STRIP2: variants seen among roughly 807,000 people sequenced by gnomAD.
The protein encoded by STRIP2 is striatin interacting protein 2.
A neutral mutation model predicts 107.1 loss-of-function variants in STRIP2; 84 were observed. The observed-to-expected ratio is 0.78, with a 90% confidence interval of 0.66 to 0.94. The LOEUF (loss-of-function observed/expected upper bound fraction) is 0.94. STRIP2 is among the 40% of genes least tolerant of loss of function. STRIP2 has a pLI of 0.00. For synonymous variants in STRIP2, 394 were observed against 400.4 expected (o/e 0.98, Z 0.19); for missense variants, 888 against 1,034.2 (o/e 0.86, Z 1.94).
chr7:129,459,824 TTCTC>T (rs1342428478), intron 12 of STRIP2, among the ~76,000 whole-genome samples: 1 of 152,166 alleles, frequency 6.6e-6, no homozygotes, highest in African/African-American at 2.4e-5. Context: ...CTTCCCATTC[TTCTC>T]TCTCTCTTCC....
chr7:129,451,435 G>A (rs1344608070), intron 3 of STRIP2, among the ~76,000 whole-genome samples, 178 bp from the exon 4 acceptor site: 1 of 152,190 alleles, frequency 6.6e-6, no homozygotes, highest in East Asian at 1.9e-4. Flanking sequence ...CTGGGTTCAG[G>A]CCAGAACATT....
Position 129,485,545 on chromosome 7 carries a change from TG to T in STRIP2, c.2255-33del, listed in dbSNP as rs1562922215. 1.9e-6 allele frequency: 3 copies of T among 1,612,400 alleles called. No homozygotes were observed. The East Asian group carries it at 6.7e-5, about 36-fold the overall frequency. Reference sequence around the variant, plus strand: ...TGATAAGAGGAGCAGTGTCTTGCATTGTATGTCTTCTTCTTCCTCTCTTTCC... The same window carrying T: ...TGATAAGAGGAGCAGTGTCTTGCATTTATGTCTTCTTCTTCCTCTCTTTCC... On this transcript the variant is annotated intron_variant, in intron 20 of 20. Coordinates refer to ENST00000249344, the MANE Select transcript of STRIP2 (RefSeq NM_020704.3).
At chr7:129,443,041 C>CT (rs35651639) in intron 2 of STRIP2, among the ~76,000 whole-genome samples, 32,738 of 141,482 alleles carry the variant, frequency 0.23, 4,163 homozygotes, top group Non-Finnish European at 0.3. Context: ...TTCTTTCTTT[C>CT]TTTTTTTTTT....
intron 4 of STRIP2, among the ~76,000 whole-genome samples, chr7:129,452,812 G>T (rs1044833724): frequency 1.4e-4 from 22 of 152,208 alleles, no homozygotes; most frequent in African/African-American, 5.3e-4. Flanking sequence ...TAGCCTGACT[G>T]TCTCACCCCT....
rs571586032 is a variant in STRIP2 at position 129,460,834 on chromosome 7, G to A, written c.1476+462G>A. 5.3e-5 allele frequency among the ~76,000 whole-genome samples: 8 copies of A among 152,364 alleles called. No individual in the cohort carries two copies. In the East Asian group the frequency reaches 7.7e-4, roughly 15 times the overall value. ...GCTGTTGTGGCTAGAGCACAGGGCC[G>A]AGGGCTGGGATCCTAGAGATGGAGT... On this transcript the variant is annotated intron_variant, in intron 13 of 20. Coordinates refer to ENST00000249344, the MANE Select transcript of STRIP2 (RefSeq NM_020704.3).
rs1189310692 is a variant in STRIP2, at chr7:129,434,447, C to A, written c.-26C>A. ...TCGCCTCCGGCAAAGCGAGCTGAAC[C>A]CTGAGGGGAGCCGCTGACCAGCAGC... On this transcript the variant is annotated 5_prime_UTR_variant, in exon 1 of 21. Coordinates refer to ENST00000249344, the MANE Select transcript of STRIP2 (RefSeq NM_020704.3). The A allele has an allele frequency of 6.7e-7, 1 of 1,490,752 alleles. No homozygotes were observed. The highest frequency in any genetic ancestry group is 8.9e-7 in the Non-Finnish European group (1 of 1,126,882). 92.3% of individuals were successfully genotyped at this position (1,490,752 alleles called of 1,614,324 possible). A position where few individuals can be genotyped will look rare whatever the true frequency, so the allele number is the denominator to read the frequency against.
intron 1 of STRIP2, among the ~76,000 whole-genome samples, chr7:129,437,108 TA>T (rs541105226): frequency 5.9e-5 from 9 of 152,320 alleles, no homozygotes; most frequent in Admixed American, 2.6e-4. Context: ...CAAACTGCTA[TA>T]GGGGGCAACC....
chr7:129,468,345 A>G (rs917739549), intron 17 of STRIP2, among the ~76,000 whole-genome samples: 1 of 152,150 alleles, frequency 6.6e-6, no homozygotes, highest in East Asian at 1.9e-4. Context: ...AGCTTAAAAC[A>G]CACACACACC....
chr7:129,447,567 C>T (rs949966102), intron 3 of STRIP2, among the ~76,000 whole-genome samples: 5 of 152,162 alleles, frequency 3.3e-5, no homozygotes, highest in Admixed American at 6.5e-5. Context: ...AAGCAAAAAG[C>T]GATCAAGGTC....
intron 3 of STRIP2, among the ~76,000 whole-genome samples, chr7:129,447,343 T>C (rs1562897077): frequency 6.6e-6 from 1 of 152,182 alleles, no homozygotes; most frequent in Non-Finnish European, 1.5e-5. Context: ...CAACTTATCC[T>C]TCACCTAAGA....
chr7:129,455,543 T>C (rs777755500), intron 8 of STRIP2, among the ~76,000 whole-genome samples, 172 bp downstream of exon 8: 9 of 152,216 alleles, frequency 5.9e-5, no homozygotes, highest in Non-Finnish European at 1.3e-4. Context: ...AGATGTTCTA[T>C]GTTAGAATGG....
At position 129,483,176 on chromosome 7, in the gene STRIP2, TCAGGCGCTGATACACCA is replaced by T; in HGVS notation, c.2254+131_2254+147del. On this transcript the variant is annotated intron_variant, in intron 20 of 20. Transcript: ENST00000249344. This position sits in a 1 kb window ranked among gnomAD's most constrained non-coding sequence, Gnocchi z 5.1. ...AGATGAAAAAATATGTGATTATAGGTCAGGCGCTGATACACCAAACTTTAAGGTTATGCCTCAAATTC... is the reference window on the plus strand; with the variant it reads ...AGATGAAAAAATATGTGATTATAGGTAACTTTAAGGTTATGCCTCAAATTC... The T allele has an allele frequency of 6.9e-7, 1 of 1,459,288 alleles. No homozygotes were observed. Among genetic ancestry groups the T allele is most frequent in the Non-Finnish European group, 9.0e-7 (1 of 1,106,318 alleles). 90.4% of individuals were successfully genotyped at this position (1,459,288 alleles called of 1,614,324 possible).
Position 129,434,455 on chromosome 7 carries a change from G to T in STRIP2, c.-18G>T, listed in dbSNP as rs1294268756. 14 of 1,498,362 alleles carry T rather than the reference G, an allele frequency of 9.3e-6. No homozygotes were observed. The highest frequency in any genetic ancestry group is 1.2e-5 in the Non-Finnish European group (14 of 1,130,442). The allele number at this position is 1,498,362 out of a possible 1,614,324, so 92.8% of individuals were successfully genotyped here. On this transcript the variant is annotated 5_prime_UTR_variant, in exon 1 of 21. Transcript: ENST00000249344. ...GGCAAAGCGAGCTGAACCCTGAGGG[G>T]AGCCGCTGACCAGCAGCATGGAGGA...
intron 1 of STRIP2, among the ~76,000 whole-genome samples, chr7:129,436,771 C>A (rs966009164): frequency 2.6e-5 from 4 of 152,180 alleles, no homozygotes; most frequent in Non-Finnish European, 5.9e-5. Context: ...TACTGTGGCA[C>A]AAGTCAAGAG....
chr7:129,456,692 C>T (rs1348863920), intron 9 of STRIP2, 50 bp downstream of exon 9: 1 of 1,529,896 alleles, frequency 6.5e-7, no homozygotes, highest in Admixed American at 1.8e-5. Flanking sequence ...GGCCAAAAAT[C>T]AAGATTCTAA....
chr7:129,444,304 C>A (rs767293166), intron 3 of STRIP2, among the ~76,000 whole-genome samples: 3 of 152,120 alleles, frequency 2.0e-5, no homozygotes, highest in Non-Finnish European at 2.9e-5. Flanking sequence ...ATCACAAGGT[C>A]CCATAATAGG....
chr7:129,477,531 C>G, intron 18 of STRIP2, among the ~76,000 whole-genome samples: 1 of 152,078 alleles, frequency 6.6e-6, no homozygotes, highest in South Asian at 2.1e-4. Context: ...ATGTTAGTGC[C>G]CCTTACTGGG....
chr7:129,453,203 T>A (rs748405606), intron 4 of STRIP2, 24 bp from the exon 5 acceptor site: 1 of 1,613,800 alleles, frequency 6.2e-7, no homozygotes, highest in South Asian at 1.1e-5. Context: ...CCTCAACCCC[T>A]GTAACAACTG....
intron 9 of STRIP2, among the ~76,000 whole-genome samples, chr7:129,457,414 A>G (rs1187748392): frequency 6.6e-6 from 1 of 152,208 alleles, no homozygotes; most frequent in African/African-American, 2.4e-5. Context: ...ACAATTACAT[A>G]TGCAGTCCAT....
Sources: gnomAD v4.1 joint callset for allele counts (sites outside exome capture counted in the v4.1 genomes callset) on GRCh38, gnomAD v4.1.1 for gene constraint, Gnocchi (gnomAD v3.1) non-coding constraint, MANE v1.5 for transcripts, NCBI Gene and HGNC (gene_info 2026-07-23, HGNC 2026-07-21) for gene names.